Variants in MTR observed in about 807,000 individuals in gnomAD.
MTR encodes methionine synthase.
A neutral mutation model predicts 154.8 loss-of-function variants in MTR; 84 were observed. That is an observed-to-expected ratio of 0.54 (90% CI 0.45 to 0.65). The LOEUF (loss-of-function observed/expected upper bound fraction) is 0.65. Among genes scored for constraint, MTR ranks in the 30% least tolerant of loss-of-function variants. MTR has a pLI of 0.00. For missense variants in MTR, 1,275 were observed against 1,570.2 expected (o/e 0.81, Z 3.18); for synonymous variants, 554 against 553.9 (o/e 1.00, Z 0.00).
chr1:236,889,388 T>C, intron 28 of MTR, 52 bp downstream of exon 28: 1 of 1,610,840 alleles, frequency 6.2e-7, no homozygotes, highest in Non-Finnish European at 8.5e-7. Context: ...GCTGTGGGAT[T>C]GTGACTTTGA....
chr1:236,897,944 G>A lies in MTR; in HGVS notation c.*300G>A. On this transcript the variant is annotated 3_prime_UTR_variant, in exon 33 of 33. Transcript: ENST00000366577. ...AAGACAGAGGTCGTTTGATTTCAAAGCAAGTCAACCTGCTTTTTTCTGTTT... is the reference window on the plus strand; with the variant it reads ...AAGACAGAGGTCGTTTGATTTCAAAACAAGTCAACCTGCTTTTTTCTGTTT... 1 of 344,670 alleles carries A rather than the reference G, an allele frequency of 2.9e-6. No individual in the cohort carries two copies. Among genetic ancestry groups the A allele is most frequent in the Non-Finnish European group, 5.3e-6 (1 of 189,392 alleles). The allele number at this position is 344,670 out of a possible 1,614,324, so 21.4% of individuals were successfully genotyped here. A position where few individuals can be genotyped will look rare whatever the true frequency, so the allele number is the denominator to read the frequency against.
chr1:236,900,716 C>T lies in MTR; in HGVS notation c.*3072C>T, dbSNP rs2147976129. ...AGGTAATGTTTGTATATGTCAAATA[C>T]AGTTTTTAAGGAAAGGAAGAACATC... On this transcript the variant is annotated 3_prime_UTR_variant, in exon 33 of 33. Transcript: ENST00000366577. The T allele has an allele frequency of 6.6e-6, 1 of 152,200 alleles. No homozygotes were observed. The highest frequency in any genetic ancestry group is 1.5e-5 in the Non-Finnish European group (1 of 68,024). 9.4% of individuals were successfully genotyped at this position (152,200 alleles called of 1,614,324 possible).
Position 236,838,597 on chromosome 1 carries a change from C to T in MTR, c.1513C>T (p.Gln505Ter). 1.2e-6 allele frequency: 2 copies of T among 1,614,050 alleles called. No individual in the cohort carries two copies. Among genetic ancestry groups the T allele is most frequent in the South Asian group, 1.1e-5 (1 of 91,076 alleles). Reference protein sequence around the residue: ...MVVMAFDEEGQATETDTKIRV... With the variant: ...MVVMAFDEEG Reference sequence around the variant, plus strand: ...GGTCATGGCTTTTGATGAAGAAGGACAGGTGAGTGGTTTCTTTTGGCCTAA... The same window carrying T: ...GGTCATGGCTTTTGATGAAGAAGGATAGGTGAGTGGTTTCTTTTGGCCTAA... The change falls in exon 15 of 33, where the codon CAG becomes TAG. Residue 505 changes from glutamine to a stop codon, truncating the protein, a stop_gained and splice_region_variant. Coordinates refer to ENST00000366577, the MANE Select transcript of MTR (RefSeq NM_000254.3). LOFTEE classifies it high-confidence loss of function.
chr1:236,814,991 G>T (rs1661505754), intron 6 of MTR, among the ~76,000 whole-genome samples: 1 of 152,144 alleles, frequency 6.6e-6, no homozygotes, highest in South Asian at 2.1e-4. Flanking sequence ...GAAATATAAT[G>T]ATAAAAAAGA....
chr1:236,803,743 GA>G (rs1343971615), intron 2 of MTR, 101 bp downstream of exon 2: 2 of 1,131,168 alleles, frequency 1.8e-6, no homozygotes, highest in Admixed American at 3.8e-5. Context: ...GGAGAATAAA[GA>G]ATAAAGAGGC....
intron 19 of MTR, among the ~76,000 whole-genome samples, chr1:236,860,261 C>T (rs376758675): frequency 5.9e-5 from 9 of 152,080 alleles, no homozygotes; most frequent in South Asian, 4.1e-4. Flanking sequence ...GCCGAGGCTG[C>T]GAATCCTGTC....
intron 22 of MTR, among the ~76,000 whole-genome samples, chr1:236,865,103 A>G (rs544154589): frequency 6.6e-6 from 1 of 152,314 alleles, no homozygotes; most frequent in Non-Finnish European, 1.5e-5. Context: ...ACATTGTGGC[A>G]TTTCTCCAGG....
At chr1:236,894,221 T>A in intron 29 of MTR, 136 bp from the exon 30 acceptor site, 1 of 776,474 alleles carries the variant, frequency 1.3e-6, no homozygotes, top group Non-Finnish European at 2.2e-6. Flanking sequence ...GATGTAACAG[T>A]GCACAATACA....
chr1:236,866,760 G>A (rs778282579), intron 22 of MTR, among the ~76,000 whole-genome samples: 12 of 152,202 alleles, frequency 7.9e-5, no homozygotes, highest in Non-Finnish European at 1.3e-4. Flanking sequence ...GAAAGTTTGA[G>A]TGGTCTGGAT....
intron 8 of MTR, chr1:236,820,022 T>G: frequency 1.1e-6 from 1 of 932,364 alleles, no homozygotes; most frequent in Non-Finnish European, 1.7e-6. Flanking sequence ...ACTCGAGGGC[T>G]GACCAGCAGC....
intron 1 of MTR, among the ~76,000 whole-genome samples, chr1:236,802,094 T>A (rs1660730494): frequency 6.6e-6 from 1 of 152,176 alleles, no homozygotes; most frequent in Non-Finnish European, 1.5e-5. Flanking sequence ...CCATTGTGCA[T>A]GGCATTTTAG....
intron 25 of MTR, among the ~76,000 whole-genome samples, chr1:236,884,848 ACT>A (rs1455980823): frequency 6.6e-5 from 10 of 152,072 alleles, no homozygotes; most frequent in African/African-American, 1.7e-4. Context: ...GTATACAGTG[ACT>A]CTCTTATCAG....
chr1:236,880,084 G>T (rs962785355), intron 24 of MTR, among the ~76,000 whole-genome samples: 14 of 152,270 alleles, frequency 9.2e-5, no homozygotes, highest in Non-Finnish European at 1.9e-4. Flanking sequence ...TGGTGTGAAC[G>T]TGGGAGGCGG....
intron 29 of MTR, 37 bp downstream of exon 29, chr1:236,891,366 C>T (rs375564437): frequency 9.8e-5 from 156 of 1,590,610 alleles, no homozygotes; most frequent in Non-Finnish European, 5.6e-5. Flanking sequence ...ACACCGCTTT[C>T]GCTTGTGAGT....
At chr1:236,833,302 T>C (rs1009143642) in intron 13 of MTR, among the ~76,000 whole-genome samples, 5 of 152,232 alleles carry the variant, frequency 3.3e-5, no homozygotes, top group Non-Finnish European at 7.3e-5. Context: ...GATTTGACAC[T>C]GAGAGCATTT....
chr1:236,876,107 C>CA (rs984443003), intron 24 of MTR, among the ~76,000 whole-genome samples: 2 of 151,556 alleles, frequency 1.3e-5, no homozygotes, highest in Non-Finnish European at 1.5e-5. Flanking sequence ...TTAATCACAT[C>CA]AAAAAAAATA....
intron 9 of MTR, 149 bp downstream of exon 9, chr1:236,824,368 T>G: frequency 2.6e-6 from 2 of 767,194 alleles, no homozygotes; most frequent in Non-Finnish European, 4.5e-6. Context: ...GGGTGCAGTG[T>G]TTCCCTGTAG....
chr1:236,823,999 G>T, intron 8 of MTR, 120 bp from the exon 9 acceptor site: 1 of 829,122 alleles, frequency 1.2e-6, no homozygotes, highest in Non-Finnish European at 2.0e-6. Context: ...GAATAAAAGT[G>T]CTTTGAATGA....
intron 32 of MTR, among the ~76,000 whole-genome samples, 192 bp downstream of exon 32, chr1:236,897,310 G>A (rs12120433): frequency 2.4e-4 from 31 of 128,678 alleles, no homozygotes; most frequent in South Asian, 5.5e-4. Flanking sequence ...CCACACACAC[G>A]CACACACACA....
Sources: allele counts gnomAD v4.1 joint callset (sites outside exome capture counted in the v4.1 genomes callset), GRCh38; gene constraint gnomAD v4.1.1; transcripts MANE v1.5; gene names NCBI Gene and HGNC (gene_info 2026-07-23, HGNC 2026-07-21).